Variants in TTC27 observed in about 807,000 individuals in gnomAD.
TTC27 encodes tetratricopeptide repeat domain 27, also known as tetratricopeptide repeat protein 27.
TTC27 carries 79 observed loss-of-function variants against 115.9 expected under a neutral mutation model. That is an observed-to-expected ratio of 0.68 (90% CI 0.57 to 0.82). The LOEUF (loss-of-function observed/expected upper bound fraction) is 0.82, where lower values mean the gene tolerates loss of function less well. Among genes scored for constraint, TTC27 ranks in the 40% least tolerant of loss-of-function variants. TTC27 has a pLI of 0.00. For missense variants in TTC27, 1,054 were observed against 993.1 expected, an observed-to-expected ratio of 1.06 and a Z score of -0.82; for synonymous variants, 401 against 356.0, an observed-to-expected ratio of 1.13 and a Z score of -1.42.
chr2:32,764,235 T>C (rs948226128), intron 13 of TTC27, among the ~76,000 whole-genome samples: 3 of 152,174 alleles, frequency 2.0e-5, no homozygotes, highest in Non-Finnish European at 2.9e-5. Context: ...GAACAGTATA[T>C]GTACAAGCAT....
intron 16 of TTC27, among the ~76,000 whole-genome samples, chr2:32,809,667 G>A (rs1387369951): frequency 2.0e-5 from 3 of 152,220 alleles, no homozygotes; most frequent in Admixed American, 1.3e-4. Context: ...GAAGATTGCG[G>A]TTGTGTTTTC....
intron 16 of TTC27, among the ~76,000 whole-genome samples, chr2:32,804,523 T>G (rs1389321699): frequency 6.6e-6 from 1 of 152,184 alleles, no homozygotes; most frequent in Admixed American, 6.5e-5. Flanking sequence ...TGGAATATCT[T>G]GAATCTATCA....
intron 5 of TTC27, among the ~76,000 whole-genome samples, chr2:32,654,788 C>T (rs566346950): frequency 6.6e-6 from 1 of 150,828 alleles, no homozygotes; most frequent in East Asian, 2.0e-4. Context: ...CTCTGTCTCC[C>T]GGGTTCATGA....
chr2:32,737,821 A>C (rs1032767704), intron 12 of TTC27, among the ~76,000 whole-genome samples: 6 of 152,056 alleles, frequency 3.9e-5, no homozygotes, highest in African/African-American at 1.4e-4. Context: ...TGGGCAACCA[A>C]GTAAGACCCC....
At chr2:32,691,658 C>T (rs898700262) in intron 9 of TTC27, among the ~76,000 whole-genome samples, 1 of 151,942 alleles carries the variant, frequency 6.6e-6, no homozygotes, top group Non-Finnish European at 1.5e-5. Context: ...CTCTTATACA[C>T]CTTATCAACA....
intron 10 of TTC27, among the ~76,000 whole-genome samples, chr2:32,703,932 G>A (rs566537390): frequency 2.0e-5 from 3 of 152,152 alleles, no homozygotes; most frequent in Non-Finnish European, 4.4e-5. Context: ...TGGCAGATTC[G>A]GTGTCTGGTA....
chr2:32,698,435 G>GTTA (rs372830080), intron 9 of TTC27, among the ~76,000 whole-genome samples: 2,205 of 145,468 alleles, frequency 0.015, 33 homozygotes, highest in Admixed American at 0.046. Context: ...CAGCCATAAA[G>GTTA]TTATTATTAT....
At chr2:32,705,620 T>G (rs1667342283) in intron 10 of TTC27, among the ~76,000 whole-genome samples, 1 of 152,124 alleles carries the variant, frequency 6.6e-6, no homozygotes, top group African/African-American at 2.4e-5. Flanking sequence ...GTGTGATCAT[T>G]GCTCTCTGCA....
chr2:32,733,775 T>A (rs553807657), intron 10 of TTC27, 53 bp from the exon 11 acceptor site: 4 of 1,163,314 alleles, frequency 3.4e-6, no homozygotes, highest in Non-Finnish European at 4.9e-6. Context: ...TAAGGACTTA[T>A]TTATATTATA....
chr2:32,807,445 G>A (rs1181327522), intron 16 of TTC27, among the ~76,000 whole-genome samples: 2 of 152,026 alleles, frequency 1.3e-5, no homozygotes, highest in South Asian at 4.1e-4. Context: ...TAAACAAAAT[G>A]AGGCATTATT....
chr2:32,705,988 T>C (rs751234555), intron 10 of TTC27, among the ~76,000 whole-genome samples: 25 of 152,102 alleles, frequency 1.6e-4, no homozygotes, highest in Non-Finnish European at 3.5e-4. Context: ...TATTTTTCCA[T>C]GTATTTATTT....
intron 8 of TTC27, among the ~76,000 whole-genome samples, chr2:32,672,660 CAA>C (rs569185757): frequency 4.7e-4 from 71 of 152,244 alleles, no homozygotes; most frequent in African/African-American, 1.7e-3. Context: ...ATATTAAAGA[CAA>C]ATGAGAATGA....
intron 4 of TTC27, among the ~76,000 whole-genome samples, chr2:32,643,313 A>G (rs1309232182): frequency 2.0e-5 from 3 of 150,256 alleles, no homozygotes; most frequent in African/African-American, 4.9e-5. Flanking sequence ...TTATTTACTT[A>G]TTTATTTTTT....
intron 16 of TTC27, among the ~76,000 whole-genome samples, chr2:32,808,335 A>G (rs1008260841): frequency 6.6e-6 from 1 of 152,140 alleles, no homozygotes; most frequent in African/African-American, 2.4e-5. Flanking sequence ...ATGACCCTCA[A>G]TGACTCTCGT....
At chr2:32,736,607 A>C in intron 11 of TTC27, 87 bp from the exon 12 acceptor site, 1 of 1,503,916 alleles carries the variant, frequency 6.6e-7, no homozygotes, top group Non-Finnish European at 9.1e-7. Context: ...CAGACCCCTA[A>C]AAAGGCAGAT....
rs546173644 is a variant in TTC27, at chr2:32,729,785, A to G, written c.1234-4043A>G. Among the ~76,000 whole-genome samples, 3 of 151,976 alleles carry G rather than the reference A, an allele frequency of 2.0e-5. No homozygotes were observed. In the South Asian group the frequency reaches 6.3e-4, roughly 32 times the overall value. On this transcript the variant is annotated intron_variant, in intron 10 of 19. Transcript: ENST00000317907. Reference sequence around the variant, plus strand: ...ACTGTCTTGCTTCAAACTGCCCTTAATGATTGGTTTAGGGTATATTTGCTT... The same window carrying G: ...ACTGTCTTGCTTCAAACTGCCCTTAGTGATTGGTTTAGGGTATATTTGCTT...
At chr2:32,681,579 T>A (rs1356367109) in intron 9 of TTC27, among the ~76,000 whole-genome samples, 1 of 152,130 alleles carries the variant, frequency 6.6e-6, no homozygotes, top group East Asian at 1.9e-4. Context: ...AACCATACTT[T>A]GAATACCTAT....
At chr2:32,628,511 C>A in intron 1 of TTC27, 131 bp downstream of exon 1, 2 of 941,024 alleles carry the variant, frequency 2.1e-6, no homozygotes, top group Non-Finnish European at 3.0e-6. Context: ...GGCTTTGGGT[C>A]GTTTAGTCTT....
chr2:32,714,181 T>C (rs1347133632), intron 10 of TTC27, among the ~76,000 whole-genome samples: 2 of 146,088 alleles, frequency 1.4e-5, no homozygotes, highest in African/African-American at 5.0e-5. Context: ...TTTTTTGAGA[T>C]GGAGTCTCGC....
Sources: allele counts gnomAD v4.1 joint callset (sites outside exome capture counted in the v4.1 genomes callset), GRCh38; gene constraint gnomAD v4.1.1; transcripts MANE v1.5; gene names NCBI Gene and HGNC (gene_info 2026-07-23, HGNC 2026-07-21).